The following FANCD2OS variants were observed in gnomAD, a reference collection of about 807,000 sequenced individuals.
FANCD2OS encodes FANCD2 opposite strand protein.
FANCD2OS carries 11 observed loss-of-function variants against 13.2 expected under a neutral mutation model. The ratio of observed to expected loss-of-function variants is 0.83; its 90% CI spans 0.52 to 1.38. The LOEUF (loss-of-function observed/expected upper bound fraction) is 1.38. Among genes scored for constraint, FANCD2OS ranks in the 40% most tolerant of loss-of-function variants. FANCD2OS has a pLI of 0.00. For missense variants in FANCD2OS, 217 were observed against 213.9 expected, an observed-to-expected ratio of 1.01 and a Z score of -0.09; for synonymous variants, 69 against 84.5, an observed-to-expected ratio of 0.82 and a Z score of 1.01.
At chr3:10,090,320 A>G (rs949649696) in intron 2 of FANCD2OS, 1 of 1,613,060 alleles carries the variant, frequency 6.2e-7, no homozygotes, top group Non-Finnish European at 8.5e-7. Context: ...CTTCCGTGTG[A>G]TGATGGCTGA....
rs141233997 is a variant in FANCD2OS at position 10,081,608 on chromosome 3, G to A, written c.*44-77C>T. 2,113 of 764,154 alleles carry A rather than the reference G, an allele frequency of 2.8e-3. 9 individuals are homozygous for A. Among genetic ancestry groups the A allele is most frequent in the Non-Finnish European group, 3.1e-3 (1,313 of 424,432 alleles). The allele number at this position is 764,154 out of a possible 1,614,324, so 47.3% of individuals were successfully genotyped here. On this transcript the variant is annotated intron_variant, in intron 2 of 2. Coordinates refer to the FANCD2OS transcript ENST00000524279. ...TCATTAATTTTGTGGGAGTGTTTTTGTCTGTATTATTTCATTTGATCTTGT... is the reference window on the plus strand; with the variant it reads ...TCATTAATTTTGTGGGAGTGTTTTTATCTGTATTATTTCATTTGATCTTGT...
At chr3:10,095,054 A>G (rs950267415) in intron 2 of FANCD2OS, 17 of 707,294 alleles carry the variant, frequency 2.4e-5, no homozygotes, top group Admixed American at 4.1e-5. Flanking sequence ...TATTCCTCCT[A>G]TTTGAGAGGC....
intron 2 of FANCD2OS, among the ~76,000 whole-genome samples, chr3:10,097,249 A>G (rs1695024645): frequency 6.6e-6 from 1 of 152,224 alleles, no homozygotes; most frequent in Non-Finnish European, 1.5e-5. Flanking sequence ...CATTGATAAC[A>G]TCTTATCAGG....
At chr3:10,097,232 C>T (rs981126560) in intron 2 of FANCD2OS, among the ~76,000 whole-genome samples, 6 of 152,146 alleles carry the variant, frequency 3.9e-5, no homozygotes, top group African/African-American at 1.4e-4. Flanking sequence ...GTTTTGGGCA[C>T]CACTGTCATT....
At position 10,085,083 on chromosome 3, in the gene FANCD2OS, G is replaced by A. The variant is rs34004365; in HGVS notation, c.*44-3552C>T. 2.0e-3 allele frequency among the ~76,000 whole-genome samples: 305 copies of A among 152,272 alleles called. 4 individuals are homozygous for A. In the East Asian group the frequency reaches 0.05, roughly 25 times the overall value. Reference sequence around the variant, plus strand: ...GACTTGACTCATTAATGTAGGAGAAGGGGTAAGTACCACTATGGGCTGGAC... The same window carrying A: ...GACTTGACTCATTAATGTAGGAGAAAGGGTAAGTACCACTATGGGCTGGAC... On this transcript the variant is annotated intron_variant, in intron 2 of 2. Transcript: ENST00000524279.
At chr3:10,106,862 GCCATTGAACTCCAGC>G (rs1695508459) in intron 1 of FANCD2OS, among the ~76,000 whole-genome samples, 2 of 152,182 alleles carry the variant, frequency 1.3e-5, no homozygotes, top group Non-Finnish European at 2.9e-5. Context: ...CCGGGATCAA[GCCATTGAACTCCAGC>G]TTGGGTGACA....
intron 2 of FANCD2OS, chr3:10,087,405 G>C: frequency 1.3e-6 from 1 of 786,410 alleles, no homozygotes; most frequent in South Asian, 1.7e-5. Flanking sequence ...GCTATACCAA[G>C]AAGGTCATTT....
intron 1 of FANCD2OS, among the ~76,000 whole-genome samples, chr3:10,107,386 C>T (rs1695527496): frequency 6.6e-6 from 1 of 151,962 alleles, no homozygotes; most frequent in Admixed American, 6.6e-5. Context: ...CTCCCGGGTT[C>T]ACGCCATTCT....
At chr3:10,084,506 C>T (rs1023328802) in intron 2 of FANCD2OS, among the ~76,000 whole-genome samples, 1 of 151,500 alleles carries the variant, frequency 6.6e-6, no homozygotes, top group African/African-American at 2.4e-5. Context: ...CCATGTTGCC[C>T]CCAGGCTGGT....
At chr3:10,092,571 C>G (rs1694704677) in intron 2 of FANCD2OS, among the ~76,000 whole-genome samples, 6 of 152,016 alleles carry the variant, frequency 3.9e-5, no homozygotes, top group Admixed American at 3.3e-4. Flanking sequence ...TCTTCTAACC[C>G]TGAATGCCCT....
At chr3:10,094,781 A>G (rs1027856390) in intron 2 of FANCD2OS, 2 of 312,740 alleles carry the variant, frequency 6.4e-6, no homozygotes, top group Non-Finnish European at 1.2e-5. Context: ...TTTTTAGCCA[A>G]TGGCATCCAG....
At chr3:10,086,225 G>A (rs1386904429) in intron 2 of FANCD2OS, among the ~76,000 whole-genome samples, 1 of 152,178 alleles carries the variant, frequency 6.6e-6, no homozygotes, top group East Asian at 1.9e-4. Context: ...GGGACCTACT[G>A]TCTCCCAGCA....
intron 2 of FANCD2OS, among the ~76,000 whole-genome samples, chr3:10,083,119 C>T (rs1693946935): frequency 6.6e-6 from 1 of 151,912 alleles, no homozygotes; most frequent in Admixed American, 6.6e-5. Flanking sequence ...CCCAGCTACT[C>T]AGGAGGCTGA....
downstream of FANCD2OS, among the ~76,000 whole-genome samples, chr3:10,103,646 A>G (rs1294012714): frequency 1.3e-5 from 2 of 152,210 alleles, no homozygotes; most frequent in Non-Finnish European, 2.9e-5. Context: ...CATGAGTTCC[A>G]TGTAGCCTAC....
intron 2 of FANCD2OS, chr3:10,087,336 T>C (rs940895975): frequency 1.0e-5 from 15 of 1,462,194 alleles, no homozygotes; most frequent in Non-Finnish European, 1.4e-5. Context: ...TTACAAACTT[T>C]GGGCTTCCCA....
intron 2 of FANCD2OS, among the ~76,000 whole-genome samples, chr3:10,083,382 A>G (rs1693964469): frequency 6.6e-6 from 1 of 152,254 alleles, no homozygotes; most frequent in Admixed American, 6.5e-5. Flanking sequence ...ATAGCACAAC[A>G]CACTCACTAG....
intron 2 of FANCD2OS, among the ~76,000 whole-genome samples, chr3:10,095,641 T>A (rs2125093518): frequency 6.6e-6 from 1 of 152,322 alleles, no homozygotes; most frequent in South Asian, 2.1e-4. Context: ...CTGTAGAGGC[T>A]TTCATCTGTG....
intron 2 of FANCD2OS, chr3:10,095,130 G>C: frequency 1.5e-6 from 2 of 1,302,296 alleles, no homozygotes; most frequent in Non-Finnish European, 2.2e-6. Context: ...GCTTTTGATT[G>C]CAAGGGTATC....
intron 2 of FANCD2OS, chr3:10,095,155 A>G: frequency 6.6e-7 from 1 of 1,506,310 alleles, no homozygotes; most frequent in Non-Finnish European, 9.2e-7. Context: ...ATCTAAAATG[A>G]AATCAGGACA....
Sources: allele counts gnomAD v4.1 joint callset (sites outside exome capture counted in the v4.1 genomes callset), GRCh38; gene constraint gnomAD v4.1.1; transcripts MANE v1.5; gene names NCBI Gene and HGNC (gene_info 2026-07-23, HGNC 2026-07-21).